The following FRY variants were observed in gnomAD, a reference collection of about 807,000 sequenced individuals.
The protein encoded by FRY is FRY microtubule binding protein.
Under a neutral mutation model 348.4 loss-of-function variants are expected in FRY, and 128 were observed. That is an observed-to-expected ratio of 0.37 (90% CI 0.32 to 0.43). The LOEUF (loss-of-function observed/expected upper bound fraction) is 0.43, where lower values mean the gene tolerates loss of function less well. Ranked by LOEUF, FRY falls within the 20% of genes least tolerant of loss-of-function variation. The probability of loss-of-function intolerance (pLI) is 1.00; values close to 1 mark genes in which losing one functional copy is unlikely to be tolerated. For missense variants in FRY, 2,736 were observed against 3,695.2 expected (o/e 0.74, Z 6.73); for synonymous variants, 1,370 against 1,374.7 (o/e 1.00, Z 0.08).
At chr13:32,077,506 T>G (rs995161464) in intron 1 of FRY, among the ~76,000 whole-genome samples, 3 of 152,142 alleles carry the variant, frequency 2.0e-5, no homozygotes, top group Non-Finnish European at 4.4e-5. Context: ...GAAAGACCGT[T>G]CAGATATAAG....
intron 2 of FRY, among the ~76,000 whole-genome samples, chr13:32,079,344 T>C (rs138517469): frequency 6.6e-6 from 1 of 152,306 alleles, no homozygotes; most frequent in African/African-American, 2.4e-5. Flanking sequence ...AAAAATTGTG[T>C]TCAGAGTCTC....
At chr13:32,225,058 A>G (rs758530498) in intron 38 of FRY, 22 bp downstream of exon 38, 2 of 1,297,422 alleles carry the variant, frequency 1.5e-6, no homozygotes, top group South Asian at 1.2e-5. Flanking sequence ...TCTAAAAGGC[A>G]TTCTAGCCAA....
At position 32,231,215 on chromosome 13, in the gene FRY, A is replaced by G; in HGVS notation, c.5442A>G (p.Thr1814=). ...CACTTTGGTGCCATGAAGACATCAC[A>G]CCTAAAAATCAAAATTCAAAGAGTG... ...FGPLWCHEDI[T]PKNQNSKSAE... The change falls in exon 41 of 61, where the codon ACA becomes ACG. Residue 1814 remains threonine (T), a synonymous_variant. Transcript: ENST00000542859. The G allele has an allele frequency of 6.2e-7, 1 of 1,613,062 alleles. No individual in the cohort carries two copies. Among genetic ancestry groups the G allele is most frequent in the Non-Finnish European group, 8.5e-7 (1 of 1,178,998 alleles).
intron 14 of FRY, 111 bp from the exon 15 acceptor site, chr13:32,155,380 C>G: frequency 1.3e-6 from 1 of 798,440 alleles, no homozygotes; most frequent in Non-Finnish European, 2.2e-6. Flanking sequence ...AAATTATTTT[C>G]TCATACTCAT....
At chr13:32,073,160 A>G (rs1874781984) in intron 1 of FRY, among the ~76,000 whole-genome samples, 1 of 152,204 alleles carries the variant, frequency 6.6e-6, no homozygotes, top group Admixed American at 6.5e-5. Flanking sequence ...AGCAGGCCAA[A>G]CATCTCTGCT....
intron 11 of FRY, among the ~76,000 whole-genome samples, chr13:32,139,707 A>G (rs1210377225): frequency 2.6e-5 from 4 of 152,130 alleles, no homozygotes; most frequent in Non-Finnish European, 5.9e-5. Context: ...AATGTATAGC[A>G]CCTTTTCACT....
chr13:32,157,119 A>G (rs1032177589), intron 15 of FRY, among the ~76,000 whole-genome samples, 154 bp from the exon 16 acceptor site: 1 of 152,258 alleles, frequency 6.6e-6, no homozygotes, highest in African/African-American at 2.4e-5. Context: ...CTATGCTAAA[A>G]GCTGTGCAGA....
chr13:32,278,635 A>G (rs781753689), intron 58 of FRY, 87 bp downstream of exon 58: 1 of 808,950 alleles, frequency 1.2e-6, no homozygotes, highest in Non-Finnish European at 2.2e-6. Context: ...GGAACTTGAG[A>G]AAAGAAGAGG....
intron 17 of FRY, 53 bp from the exon 18 acceptor site, chr13:32,170,959 A>G (rs1187578419): frequency 1.6e-6 from 2 of 1,280,580 alleles, no homozygotes; most frequent in African/African-American, 1.5e-5. Flanking sequence ...TGTTAGCTCT[A>G]GAAGACCAGT....
At chr13:32,281,999 A>G (rs1888832415) in intron 58 of FRY, among the ~76,000 whole-genome samples, 2 of 152,178 alleles carry the variant, frequency 1.3e-5, no homozygotes, top group South Asian at 4.1e-4. Flanking sequence ...TCATAGGTTA[A>G]CACTCGACAA....
intron 1 of FRY, among the ~76,000 whole-genome samples, chr13:32,050,111 T>C (rs956926784): frequency 2.0e-5 from 3 of 152,200 alleles, no homozygotes; most frequent in African/African-American, 7.2e-5. Flanking sequence ...TCCCAGGTCA[T>C]AGATTGGCGG....
chr13:32,248,427 A>C (rs1270160186), intron 48 of FRY, among the ~76,000 whole-genome samples: 1 of 152,132 alleles, frequency 6.6e-6, no homozygotes, highest in African/African-American at 2.4e-5. Flanking sequence ...GAAATACCTA[A>C]TGTAGATGAC....
intron 7 of FRY, among the ~76,000 whole-genome samples, chr13:32,128,647 A>G (rs555287174): frequency 1.3e-5 from 2 of 152,324 alleles, no homozygotes; most frequent in African/African-American, 4.8e-5. Flanking sequence ...TGGTCTTCCA[A>G]TCTGTTTCTT....
rs201888301 is a variant in FRY at position 32,247,483 on chromosome 13, T to A, written c.6989T>A (p.Phe2330Tyr). Residue 2330 changes from phenylalanine (F) to tyrosine (Y), a missense_variant, in exon 48 of 61, where the codon TTC (phenylalanine) becomes TAC (tyrosine). By Grantham distance (22) the Phe-to-Tyr change is conservative. Transcript: ENST00000542859. Reference protein sequence around the residue: ...SKELPGKTLDFHFDISETPII... With the variant: ...SKELPGKTLDYHFDISETPII... Reference sequence around the variant, plus strand: ...GAATTACCTGGGAAAACCCTGGACTTCCACTTCGATATTTCGGAGGTACTT... The same window carrying A: ...GAATTACCTGGGAAAACCCTGGACTACCACTTCGATATTTCGGAGGTACTT... 2 of 1,612,758 alleles carry A rather than the reference T, an allele frequency of 1.2e-6. No individual in the cohort carries two copies. The highest frequency in any genetic ancestry group is 1.7e-6 in the Non-Finnish European group (2 of 1,178,742).
Position 32,136,882 on chromosome 13 carries a change from C to T in FRY, c.1089C>T (p.Pro363=), listed in dbSNP as rs1160135206. 3.1e-6 allele frequency: 5 copies of T among 1,593,826 alleles called. No homozygotes were observed. The highest frequency in any genetic ancestry group is 4.3e-6 in the Non-Finnish European group (5 of 1,161,478). Residue 363 remains proline, a synonymous_variant, in exon 11 of 61, where the codon CCC becomes CCT. Transcript: ENST00000542859. The part of the protein sequence containing the change: ...SRKKHSLALY[P]LVTCLLCVSQ... ...TCCTTTCTCCTCAGGCCTTGTACCCCCTGGTGACCTGTTTGCTCTGTGTCA... is the reference window on the plus strand; with the variant it reads ...TCCTTTCTCCTCAGGCCTTGTACCCTCTGGTGACCTGTTTGCTCTGTGTCA...
intron 58 of FRY, among the ~76,000 whole-genome samples, chr13:32,284,555 A>G (rs1566195040): frequency 6.6e-6 from 1 of 152,234 alleles, no homozygotes; most frequent in Non-Finnish European, 1.5e-5. Context: ...TGTAATCTGT[A>G]TCATAGGTGT....
At chr13:32,155,466 G>A (rs1184858806) in intron 14 of FRY, 25 bp from the exon 15 acceptor site, 4 of 1,588,970 alleles carry the variant, frequency 2.5e-6, no homozygotes, top group Non-Finnish European at 3.5e-6. Flanking sequence ...CTTTCCTTTT[G>A]TCATGACAAT....
chr13:32,115,889 T>G (rs1453469527), intron 3 of FRY, among the ~76,000 whole-genome samples: 1 of 152,146 alleles, frequency 6.6e-6, no homozygotes, highest in Non-Finnish European at 1.5e-5. Context: ...TATGTATACT[T>G]ACATAGTATC....
At chr13:32,177,995 A>G (rs1182105427) in intron 20 of FRY, among the ~76,000 whole-genome samples, 182 bp from the exon 21 acceptor site, 1 of 152,166 alleles carries the variant, frequency 6.6e-6, no homozygotes, top group Non-Finnish European at 1.5e-5. Context: ...CTAGCATAGG[A>G]AGACTGATGA....
Sources: gnomAD v4.1 joint callset for allele counts (sites outside exome capture counted in the v4.1 genomes callset) on GRCh38, gnomAD v4.1.1 for gene constraint, MANE v1.5 for transcripts, NCBI Gene and HGNC (gene_info 2026-07-23, HGNC 2026-07-21) for gene names.